NCKAP1L: variants seen among roughly 807,000 people sequenced by gnomAD.
NCKAP1L encodes the protein NCK associated protein 1 like.
In NCKAP1L, 53 loss-of-function variants were observed where a neutral mutation model predicts 139.2. The ratio of observed to expected loss-of-function variants is 0.38; its 90% CI spans 0.31 to 0.48. The LOEUF is 0.48. NCKAP1L is among the 20% of genes least tolerant of loss of function. The pLI is 0.98. For missense variants in NCKAP1L, 1,151 were observed against 1,381.9 expected (o/e 0.83, Z 2.65); for synonymous variants, 468 against 499.7 (o/e 0.94, Z 0.85).
At chr12:54,530,940 A>G (rs1957064009) in intron 22 of NCKAP1L, among the ~76,000 whole-genome samples, 1 of 152,240 alleles carries the variant, frequency 6.6e-6, no homozygotes, top group African/African-American at 2.4e-5. Flanking sequence ...TAAAACTAGT[A>G]TAGCTAGTAC....
intron 22 of NCKAP1L, 108 bp downstream of exon 22, chr12:54,528,485 C>CCT: frequency 7.2e-7 from 1 of 1,384,338 alleles, no homozygotes. Flanking sequence ...GTAATTTTTG[C>CCT]AATTACTTTT....
At chr12:54,512,330 C>T (rs1194533522) in intron 9 of NCKAP1L, 3 of 395,660 alleles carry the variant, frequency 7.6e-6, no homozygotes, top group Non-Finnish European at 1.4e-5. Context: ...GACTCTGAAA[C>T]TAGATTGCTT....
Position 54,535,208 on chromosome 12 carries a change from G to A in NCKAP1L, c.2956+11G>A. Reference sequence around the variant, plus strand: ...CTAATCTGAAAGCTGGTAAGATTGGGGAAAGGGGGCGAGATTTGGGAAAGG... The same window carrying A: ...CTAATCTGAAAGCTGGTAAGATTGGAGAAAGGGGGCGAGATTTGGGAAAGG... On this transcript the variant is annotated intron_variant, in intron 27 of 30. Transcript: ENST00000293373. The A allele has an allele frequency of 6.2e-7, 1 of 1,609,072 alleles. No homozygotes were observed. The highest frequency in any genetic ancestry group is 8.5e-7 in the Non-Finnish European group (1 of 1,175,998).
intron 16 of NCKAP1L, among the ~76,000 whole-genome samples, chr12:54,519,759 G>A (rs754626840): frequency 6.6e-6 from 1 of 151,856 alleles, no homozygotes; most frequent in African/African-American, 2.4e-5. Flanking sequence ...CTTTTGTTCT[G>A]TATTCTCTTT....
intron 22 of NCKAP1L, among the ~76,000 whole-genome samples, chr12:54,529,088 C>T (rs144762568): frequency 6.6e-6 from 1 of 152,150 alleles, no homozygotes. Context: ...CTCATAACAG[C>T]CTTGGGGTAT....
At chr12:54,512,914 G>C (rs935469183) in intron 9 of NCKAP1L, among the ~76,000 whole-genome samples, 3 of 152,146 alleles carry the variant, frequency 2.0e-5, no homozygotes, top group Non-Finnish European at 2.9e-5. Flanking sequence ...AGGCAACAAA[G>C]AGCATGGCAA....
At chr12:54,538,291 C>A (rs906244124) in intron 29 of NCKAP1L, among the ~76,000 whole-genome samples, 21 of 152,272 alleles carry the variant, frequency 1.4e-4, no homozygotes, top group African/African-American at 4.6e-4. Flanking sequence ...AGGATTCACA[C>A]CAGATCTCTG....
chr12:54,531,768 G>A lies in NCKAP1L; in HGVS notation c.2724G>A (p.Met908Ile), dbSNP rs1196525894. ...GGGCTGAAAATGTGCTAAAGCGCAT[G>A]ACCATCATTGGGGTTATCCTCAGTT... ...LTGAENVLKR[M>I]TIIGVILSFR... The change falls in exon 25 of 31, where the codon ATG becomes ATA. Residue 908 changes from methionine to isoleucine, a missense_variant. Physicochemically the swap from Met to Ile is conservative, Grantham distance 10 (BLOSUM62 1). Transcript: ENST00000293373. 6.2e-7 allele frequency: 1 copy of A among 1,612,752 alleles called. No individual in the cohort carries two copies. The highest frequency in any genetic ancestry group is 8.5e-7 in the Non-Finnish European group (1 of 1,178,934).
chr12:54,542,214 A>G lies in NCKAP1L; in HGVS notation c.3274-361A>G, dbSNP rs2120985297. On this transcript the variant is annotated intron_variant, in intron 30 of 30. Coordinates refer to ENST00000293373, the MANE Select transcript of NCKAP1L (RefSeq NM_005337.5). ...GTTTCTCTTGCTGCAAAGCTTTGTA[A>G]TTAGCACTTTTATACATCTTTACCT... is the stretch of plus-strand genomic sequence containing the variant. Among the ~76,000 whole-genome samples, 4 of 152,180 alleles carry G rather than the reference A, an allele frequency of 2.6e-5. No individual in the cohort carries two copies. The South Asian group carries it at 8.3e-4, about 32-fold the overall frequency.
chr12:54,522,782 C>G (rs1956994794), intron 18 of NCKAP1L, among the ~76,000 whole-genome samples: 1 of 152,180 alleles, frequency 6.6e-6, no homozygotes, highest in Non-Finnish European at 1.5e-5. Context: ...GAGAGAATTC[C>G]AGTCACCCTG....
rs758469339 is a variant in NCKAP1L at position 54,497,847 on chromosome 12, G to T, written c.58G>T (p.Asp20Tyr). Residue 20 changes from aspartate (D) to tyrosine (Y), a missense_variant, in exon 1 of 31, where the codon GAT (aspartate) becomes TAT (tyrosine). By Grantham distance (160) the Asp-to-Tyr change is radical. Coordinates refer to ENST00000293373, the MANE Select transcript of NCKAP1L (RefSeq NM_005337.5). Reference protein sequence around the residue: ...KLAEKLTILNDRGQGVLIRMY... With the variant: ...KLAEKLTILNYRGQGVLIRMY... ...AGCAGAGAAGCTCACTATCCTGAAT[G>T]ATCGCGGTCAGGGGGTTCTCATCCG... The T allele has an allele frequency of 3.7e-6, 6 of 1,613,828 alleles. No individual in the cohort carries two copies. The East Asian group carries it at 1.3e-4, about 36-fold the overall frequency.
chr12:54,507,812 T>G (rs1282719185), intron 3 of NCKAP1L, 41 bp from the exon 4 acceptor site: 1 of 1,594,584 alleles, frequency 6.3e-7, no homozygotes, highest in South Asian at 1.1e-5. Flanking sequence ...TCACCTTCTC[T>G]TTGATTTTTT....
intron 17 of NCKAP1L, 78 bp downstream of exon 17, chr12:54,520,904 AT>A: frequency 6.3e-7 from 1 of 1,593,210 alleles, no homozygotes; most frequent in Non-Finnish European, 8.6e-7. Context: ...CCAAGGGTTG[AT>A]TTTGGTCCCA....
intron 29 of NCKAP1L, among the ~76,000 whole-genome samples, chr12:54,537,481 C>A (rs1249091801): frequency 6.6e-6 from 1 of 152,128 alleles, no homozygotes; most frequent in East Asian, 1.9e-4. Context: ...AATACAGATT[C>A]CTGATCTTTA....
intron 30 of NCKAP1L, among the ~76,000 whole-genome samples, chr12:54,541,467 A>G (rs1278424469): frequency 2.0e-5 from 3 of 152,200 alleles, no homozygotes; most frequent in African/African-American, 7.2e-5. Flanking sequence ...AAGACAGCTC[A>G]TCTCTTTCCC....
chr12:54,512,654 C>T (rs1422687399), intron 9 of NCKAP1L: 1 of 153,736 alleles, frequency 6.5e-6, no homozygotes, highest in African/African-American at 2.4e-5. Flanking sequence ...AATGTGTAAA[C>T]ACAAAGTACT....
intron 1 of NCKAP1L, chr12:54,498,773 G>A: frequency 2.0e-6 from 2 of 985,218 alleles, no homozygotes; most frequent in Non-Finnish European, 2.4e-6. Context: ...CGGGGAAACA[G>A]CTTCCTCTTT....
At position 54,518,472 on chromosome 12, in the gene NCKAP1L, T is replaced by C. The variant is rs1956952115; in HGVS notation, c.1339-179T>C. On this transcript the variant is annotated intron_variant, in intron 13 of 30. Coordinates refer to ENST00000293373, the MANE Select transcript of NCKAP1L (RefSeq NM_005337.5). ...ATAGGAGAGAAAAATAAAGAGAAAC[T>C]GGATGTTAGAATGGCAGGGAACCCG... 4 of 672,630 alleles carry C rather than the reference T, an allele frequency of 5.9e-6. No homozygotes were observed. The Admixed American group carries it at 9.2e-5, about 15-fold the overall frequency. 41.7% of individuals were successfully genotyped at this position (672,630 alleles called of 1,614,324 possible).
At position 54,523,480 on chromosome 12, in the gene NCKAP1L, G is replaced by T; in HGVS notation, c.1965G>T (p.Glu655Asp). The change falls in exon 19 of 31, where the codon GAG (glutamate) becomes GAT (aspartate). Residue 655 changes from glutamate to aspartate, a missense_variant. Physicochemically the swap from Glu to Asp is conservative, Grantham distance 45. Coordinates refer to ENST00000293373, the MANE Select transcript of NCKAP1L (RefSeq NM_005337.5). ...RKQRQTPRKG[E>D]PERDKPGAES... Reference sequence around the variant, plus strand: ...AGAGGCAGACTCCCAGAAAAGGAGAGCCCGAGAGGGACAAGCCAGGAGCTG... The same window carrying T: ...AGAGGCAGACTCCCAGAAAAGGAGATCCCGAGAGGGACAAGCCAGGAGCTG... 6.2e-7 allele frequency: 1 copy of T among 1,614,118 alleles called. No homozygotes were observed. The highest frequency in any genetic ancestry group is 1.7e-5 in the Admixed American group (1 of 60,008).
Sources: gnomAD v4.1 joint callset for allele counts (sites outside exome capture counted in the v4.1 genomes callset) on GRCh38, gnomAD v4.1.1 for gene constraint, MANE v1.5 for transcripts, NCBI Gene and HGNC (gene_info 2026-07-23, HGNC 2026-07-21) for gene names.